Variants in LIFR observed in about 807,000 individuals in gnomAD.
LIFR encodes the protein LIF receptor subunit alpha, also known as leukemia inhibitory factor receptor.
A neutral mutation model predicts 122.2 loss-of-function variants in LIFR; 84 were observed. The ratio of observed to expected loss-of-function variants is 0.69; its 90% CI spans 0.58 to 0.82. The LOEUF is 0.82. LIFR is among the 40% of genes least tolerant of loss of function. The pLI is 0.00. For synonymous variants in LIFR, 422 were observed against 434.7 expected (o/e 0.97, Z 0.36); for missense variants, 1,294 against 1,311.6 (o/e 0.99, Z 0.21).
rs772583825 is a variant in LIFR at position 38,510,548 on chromosome 5, T to C, written c.907A>G (p.Asn303Asp). ...DGENVAIKIRNISVSASSGTN... is the reference protein window; with the variant it reads ...DGENVAIKIRDISVSASSGTN... Reference sequence around the variant, plus strand: ...CCACTACTTGCAGAAACAGAAATATTACGAATCTTGATTGCAACATTTTCC... The same window carrying C: ...CCACTACTTGCAGAAACAGAAATATCACGAATCTTGATTGCAACATTTTCC... The change falls in exon 7 of 20, where the codon AAT becomes GAT. Residue 303 changes from asparagine to aspartate, a missense_variant. Transcript: ENST00000453190. 1.4e-5 allele frequency: 22 copies of C among 1,613,830 alleles called. No individual in the cohort carries two copies. The East Asian group carries it at 2.0e-4, about 15-fold the overall frequency.
chr5:38,575,455 C>T (rs1003181447), intron 1 of LIFR, among the ~76,000 whole-genome samples: 3 of 152,146 alleles, frequency 2.0e-5, no homozygotes, highest in African/African-American at 4.8e-5. Flanking sequence ...CTTCAATTTA[C>T]GGAGACAAGT....
intron 1 of LIFR, among the ~76,000 whole-genome samples, chr5:38,590,220 A>T (rs1749878756): frequency 1.3e-5 from 2 of 152,208 alleles, no homozygotes; most frequent in Non-Finnish European, 2.9e-5. Context: ...TGATGAGTAG[A>T]GACAGATCCT....
At chr5:38,508,025 G>A (rs1283525715) in intron 7 of LIFR, among the ~76,000 whole-genome samples, 2 of 151,734 alleles carry the variant, frequency 1.3e-5, no homozygotes, top group Non-Finnish European at 2.9e-5. Flanking sequence ...CCAAAAATAT[G>A]GAATATATTT....
At chr5:38,556,834 C>T (rs1226667181), upstream of LIFR, 1 of 150,972 alleles carries the variant, frequency 6.6e-6, no homozygotes, top group Non-Finnish European at 1.5e-5. Flanking sequence ...CGCGACGGGC[C>T]CCGGACGCCG....
chr5:38,517,447 AAAT>A (rs920966743), intron 5 of LIFR, among the ~76,000 whole-genome samples: 1 of 152,164 alleles, frequency 6.6e-6, no homozygotes, highest in Admixed American at 6.5e-5. Flanking sequence ...TAATTTAAAT[AAAT>A]AATACCTTTA....
intron 9 of LIFR, among the ~76,000 whole-genome samples, chr5:38,505,098 T>C (rs1287712715): frequency 6.6e-6 from 1 of 151,964 alleles, no homozygotes; most frequent in Non-Finnish European, 1.5e-5. Flanking sequence ...TTGGTAAAAA[T>C]GCAATCAGTA....
At chr5:38,514,566 T>C (rs1424493998) in intron 5 of LIFR, among the ~76,000 whole-genome samples, 1 of 152,234 alleles carries the variant, frequency 6.6e-6, no homozygotes, top group Non-Finnish European at 1.5e-5. Flanking sequence ...TGACAAGCTT[T>C]TAAATTTTTA....
At chr5:38,545,366 A>C (rs553778766) in intron 1 of LIFR, among the ~76,000 whole-genome samples, 1 of 149,238 alleles carries the variant, frequency 6.7e-6, no homozygotes. Flanking sequence ...GTGTGTGTGT[A>C]TGTGTGTGTG....
chr5:38,537,981 A>G (rs144592091), intron 1 of LIFR, among the ~76,000 whole-genome samples: 1 of 152,276 alleles, frequency 6.6e-6, no homozygotes, highest in East Asian at 1.9e-4. Flanking sequence ...TCTAACCATA[A>G]AGGTTTTTCT....
intron 13 of LIFR, 46 bp downstream of exon 13, chr5:38,496,336 A>C: frequency 7.2e-7 from 1 of 1,392,342 alleles, no homozygotes; most frequent in Non-Finnish European, 1.0e-6. Flanking sequence ...GACATTTCTC[A>C]CTTTAGTTTC....
intron 2 of LIFR, among the ~76,000 whole-genome samples, chr5:38,601,966 C>T (rs912650129): frequency 2.0e-5 from 3 of 152,184 alleles, no homozygotes; most frequent in African/African-American, 4.8e-5. Flanking sequence ...TAGAAACCAC[C>T]GCATCATCCT....
At chr5:38,483,725 G>A (rs764629950) in intron 18 of LIFR, among the ~76,000 whole-genome samples, 3 of 152,130 alleles carry the variant, frequency 2.0e-5, no homozygotes, top group East Asian at 3.8e-4. Context: ...CACTGCACCC[G>A]GCCTAATAGT....
rs145891660 is a variant in LIFR, at chr5:38,479,319, G to A, written c.*2276C>T. 5.3e-4 allele frequency: 124 copies of A among 231,782 alleles called. No homozygotes were observed. In the East Asian group the frequency reaches 7.5e-3, roughly 14 times the overall value. The allele number at this position is 231,782 out of a possible 1,614,324, so 14.4% of individuals were successfully genotyped here. A position where few individuals can be genotyped will look rare whatever the true frequency, so the allele number is the denominator to read the frequency against. ...TTCTCATTAAGCTAGTGATCCTCGT[G>A]TAGGGGATCCAAAAGTAGGGGAAAG... On this transcript the variant is annotated 3_prime_UTR_variant, in exon 20 of 20. Coordinates refer to ENST00000453190, the MANE Select transcript of LIFR (RefSeq NM_001127671.2).
At chr5:38,499,395 A>G in intron 12 of LIFR, 118 bp downstream of exon 12, 1 of 737,266 alleles carries the variant, frequency 1.4e-6, no homozygotes, top group Non-Finnish European at 2.5e-6. Context: ...GATTCTCACC[A>G]ATATTGCAAC....
At chr5:38,495,389 G>A (rs975232242) in intron 13 of LIFR, among the ~76,000 whole-genome samples, 9 of 152,100 alleles carry the variant, frequency 5.9e-5, no homozygotes, top group African/African-American at 1.9e-4. Flanking sequence ...CCAAAATGAA[G>A]AAGCCATTAT....
intron 2 of LIFR, among the ~76,000 whole-genome samples, chr5:38,601,100 A>G (rs1750214505): frequency 6.6e-6 from 1 of 152,166 alleles, no homozygotes; most frequent in African/African-American, 2.4e-5. Context: ...ATGGTAGTAG[A>G]AAGTGGGGTC....
intron 4 of LIFR, among the ~76,000 whole-genome samples, 179 bp from the exon 5 acceptor site, chr5:38,523,761 A>G (rs900952427): frequency 1.3e-5 from 2 of 152,236 alleles, no homozygotes; most frequent in Admixed American, 6.5e-5. Context: ...GATGCCATAT[A>G]TGGAAAAGAT....
intron 1 of LIFR, among the ~76,000 whole-genome samples, chr5:38,549,965 C>G (rs576733725): frequency 6.6e-6 from 1 of 152,066 alleles, no homozygotes; most frequent in South Asian, 2.1e-4. Context: ...AGAATCACTG[C>G]GAGGAGAAAG....
At position 38,477,281 on chromosome 5, in the gene LIFR, A is replaced by ATAT. The variant is rs755448270; in HGVS notation, c.*4311_*4313dup. On this transcript the variant is annotated 3_prime_UTR_variant, in exon 20 of 20. Transcript: ENST00000453190. ...AATTCAAGCCAAGTAATTTCCAATG[A>ATAT]TATTCTAAGGCTAAGTCTAAAAGAT... is the stretch of plus-strand genomic sequence containing the variant. The ATAT allele has an allele frequency of 4.0e-4, 89 of 220,306 alleles. No individual in the cohort carries two copies. The highest frequency in any genetic ancestry group is 6.3e-4 in the Non-Finnish European group (69 of 109,938). 13.6% of individuals were successfully genotyped at this position (220,306 alleles called of 1,614,324 possible). A position where few individuals can be genotyped will look rare whatever the true frequency, so the allele number is the denominator to read the frequency against.
Sources: gnomAD v4.1 joint callset for allele counts (sites outside exome capture counted in the v4.1 genomes callset) on GRCh38, gnomAD v4.1.1 for gene constraint, MANE v1.5 for transcripts, NCBI Gene and HGNC (gene_info 2026-07-23, HGNC 2026-07-21) for gene names.